Variants in LRP1B observed in about 807,000 individuals in gnomAD.
The protein encoded by LRP1B is low-density lipoprotein receptor-related protein 1B.
LRP1B carries 217 observed loss-of-function variants against 556.6 expected under a neutral mutation model. That is an observed-to-expected ratio of 0.39 (90% CI 0.35 to 0.44). The LOEUF (loss-of-function observed/expected upper bound fraction) is 0.44, where lower values mean the gene tolerates loss of function less well. Ranked by LOEUF, LRP1B falls within the 20% of genes least tolerant of loss-of-function variation. The pLI is 1.00. For synonymous variants in LRP1B, 2,047 were observed against 1,865.8 expected (o/e 1.10, Z -2.50); for missense variants, 5,053 against 5,620.8 (o/e 0.90, Z 3.23).
chr2:141,508,552 C>T (rs1684013503), intron 2 of LRP1B, among the ~76,000 whole-genome samples: 1 of 152,094 alleles, frequency 6.6e-6, no homozygotes, highest in African/African-American at 2.4e-5. Flanking sequence ...TAGTGAATGA[C>T]ACACTCAGAT....
In LRP1B at chr2:140,838,123, C is replaced by G. The variant is rs369450448; in HGVS notation, c.5209+1868G>C. ...AGTATTAGAAAAGATAAGGTTTTCA[C>G]CATTATGGAAATAAGCATATAAATT... is the stretch of plus-strand genomic sequence containing the variant. On this transcript the variant is annotated intron_variant, in intron 31 of 90. Coordinates refer to ENST00000389484, the MANE Select transcript of LRP1B (RefSeq NM_018557.3). 3.9e-5 allele frequency among the ~76,000 whole-genome samples: 6 copies of G among 151,944 alleles called. No homozygotes were observed. The East Asian group carries it at 9.7e-4, about 25-fold the overall frequency.
At chr2:141,223,619 T>A (rs575945171) in intron 6 of LRP1B, among the ~76,000 whole-genome samples, 2 of 152,310 alleles carry the variant, frequency 1.3e-5, no homozygotes, top group South Asian at 4.1e-4. Context: ...TCACACTACC[T>A]GACTTCAAAC....
At chr2:141,330,087 G>A (rs1003904918) in intron 3 of LRP1B, among the ~76,000 whole-genome samples, 1 of 152,032 alleles carries the variant, frequency 6.6e-6, no homozygotes, top group Non-Finnish European at 1.5e-5. Context: ...TAAACTCAGG[G>A]TTGTGGGCAT....
At chr2:140,960,191 A>G (rs1011432461) in intron 18 of LRP1B, among the ~76,000 whole-genome samples, 1 of 151,800 alleles carries the variant, frequency 6.6e-6, no homozygotes, top group Admixed American at 6.6e-5. Context: ...TTTTCATAAA[A>G]GGAAAGCAAA....
intron 6 of LRP1B, among the ~76,000 whole-genome samples, chr2:141,200,732 A>T (rs1360340366): frequency 6.6e-6 from 1 of 152,152 alleles, no homozygotes; most frequent in Non-Finnish European, 1.5e-5. Flanking sequence ...CTAGTGACTT[A>T]TCAGTGCACT....
intron 23 of LRP1B, 32 bp from the exon 24 acceptor site, chr2:140,886,367 G>C (rs200431392): frequency 8.1e-6 from 10 of 1,229,634 alleles, no homozygotes; most frequent in Non-Finnish European, 1.1e-5. Context: ...ATAGGCTTAT[G>C]AAAATGTAAA....
chr2:140,317,163 G>A (rs1449097677), intron 82 of LRP1B, among the ~76,000 whole-genome samples: 1 of 152,062 alleles, frequency 6.6e-6, no homozygotes, highest in Non-Finnish European at 1.5e-5. Flanking sequence ...AAGTGATTTT[G>A]AAGAAAGAAG....
chr2:140,527,947 CTAAG>C (rs939876045), intron 47 of LRP1B, among the ~76,000 whole-genome samples: 2 of 151,764 alleles, frequency 1.3e-5, no homozygotes, highest in African/African-American at 2.4e-5. Context: ...TATGATATTC[CTAAG>C]TAAGCCTATA....
chr2:141,131,992 A>C (rs1701370800), intron 7 of LRP1B, among the ~76,000 whole-genome samples: 1 of 151,114 alleles, frequency 6.6e-6, no homozygotes, highest in Non-Finnish European at 1.5e-5. Flanking sequence ...CCCCCTTCCC[A>C]CTCTTGCCCC....
At chr2:140,530,459 A>T (rs972811264) in intron 47 of LRP1B, among the ~76,000 whole-genome samples, 1 of 152,096 alleles carries the variant, frequency 6.6e-6, no homozygotes, top group African/African-American at 2.4e-5. Context: ...ATAAGTCTTT[A>T]TCAGACAGCC....
At chr2:141,054,991 T>C in intron 10 of LRP1B, 125 bp downstream of exon 10, 3 of 1,014,084 alleles carry the variant, frequency 3.0e-6, no homozygotes, top group South Asian at 3.6e-5. Flanking sequence ...GGACAGTATA[T>C]ATTTGCAGGC....
intron 83 of LRP1B, among the ~76,000 whole-genome samples, chr2:140,299,899 C>A (rs1003550641): frequency 6.6e-6 from 1 of 152,038 alleles, no homozygotes; most frequent in Non-Finnish European, 1.5e-5. Flanking sequence ...GCCACACAAA[C>A]ATATAATGTG....
chr2:140,658,180 T>G (rs1559037098), intron 41 of LRP1B, among the ~76,000 whole-genome samples: 1 of 152,038 alleles, frequency 6.6e-6, no homozygotes, highest in Non-Finnish European at 1.5e-5. Flanking sequence ...AAAATAGCAA[T>G]GAAAAATTGG....
chr2:140,953,782 G>A (rs1387746059), intron 18 of LRP1B, among the ~76,000 whole-genome samples: 1 of 151,972 alleles, frequency 6.6e-6, no homozygotes, highest in African/African-American at 2.4e-5. Context: ...TTAGCTATAA[G>A]GCAACTGAAA....
At chr2:141,864,540 T>C (rs1468633161) in intron 1 of LRP1B, among the ~76,000 whole-genome samples, 1 of 148,658 alleles carries the variant, frequency 6.7e-6, no homozygotes, top group Non-Finnish European at 1.5e-5. Context: ...TACCCAACTT[T>C]ATTTTGCATT....
rs565133570 is a variant in LRP1B at position 141,247,252 on chromosome 2, T to C, written c.566A>G (p.Asp189Gly). Residue 189 changes from aspartate (D) to glycine (G), a missense_variant, in exon 5 of 91, where the codon GAC becomes GGC. Around this residue, in one of 5 missense-constraint regions of LRP1B, gnomAD observed 3,619 missense variants for 3,931.9 expected, o/e 0.92. Coordinates refer to ENST00000389484, the MANE Select transcript of LRP1B (RefSeq NM_018557.3). The stretch of plus-strand genomic sequence containing the variant: ...AATTTTAGCCTTGCAAGATCTGTTG[T>C]CTGGCTGCATTAGGTAGCCTTCCAC... ...SCVEGYLMQP[D>G]NRSCKAKIEP... 6.2e-7 allele frequency: 1 copy of C among 1,613,812 alleles called. No individual in the cohort carries two copies. The highest frequency in any genetic ancestry group is 2.2e-5 in the East Asian group (1 of 44,834).
At chr2:141,504,203 C>T (rs1364876957) in intron 2 of LRP1B, among the ~76,000 whole-genome samples, 1 of 152,084 alleles carries the variant, frequency 6.6e-6, no homozygotes, top group Non-Finnish European at 1.5e-5. Context: ...GATGAATTGG[C>T]TTATTTATAG....
intron 2 of LRP1B, among the ~76,000 whole-genome samples, chr2:141,497,719 G>A (rs899116034): frequency 5.9e-5 from 9 of 152,034 alleles, no homozygotes; most frequent in East Asian, 1.9e-4. Flanking sequence ...GAACTTTAGC[G>A]CAAATCTACT....
intron 7 of LRP1B, among the ~76,000 whole-genome samples, chr2:141,122,101 C>T (rs1701067586): frequency 6.6e-6 from 1 of 152,090 alleles, no homozygotes; most frequent in Non-Finnish European, 1.5e-5. Context: ...AAAATTAATT[C>T]AAGATGGATT....
Sources: allele counts gnomAD v4.1 joint callset (sites outside exome capture counted in the v4.1 genomes callset), GRCh38; gene constraint gnomAD v4.1.1; regional missense constraint gnomAD v4.1.1; transcripts MANE v1.5; gene names NCBI Gene and HGNC (gene_info 2026-07-23, HGNC 2026-07-21).